The following PRKD1 variants were observed in gnomAD, a reference collection of about 807,000 sequenced individuals.
PRKD1 encodes the protein protein kinase D1.
A neutral mutation model predicts 95.9 loss-of-function variants in PRKD1; 63 were observed. The observed-to-expected ratio is 0.66, with a 90% CI of 0.54 to 0.81. The LOEUF (loss-of-function observed/expected upper bound fraction) is 0.81, where lower values mean the gene tolerates loss of function less well. PRKD1 is among the 30% of genes least tolerant of loss of function. The pLI, the probability that PRKD1 is intolerant of heterozygous loss-of-function variation, is 0.00. For missense variants in PRKD1, 1,048 were observed against 1,165.3 expected, an observed-to-expected ratio of 0.90 and a Z score of 1.47; for synonymous variants, 425 against 423.1, an observed-to-expected ratio of 1.00 and a Z score of -0.05.
chr14:29,820,705 G>A (rs911409439), intron 1 of PRKD1, among the ~76,000 whole-genome samples: 26 of 152,206 alleles, frequency 1.7e-4, no homozygotes, highest in Non-Finnish European at 7.3e-5. Flanking sequence ...GAATGGCCTT[G>A]TATAACACGC....
chr14:29,831,229 A>C (rs1891399083), intron 1 of PRKD1, among the ~76,000 whole-genome samples: 1 of 152,176 alleles, frequency 6.6e-6, no homozygotes, highest in Non-Finnish European at 1.5e-5. Context: ...GAGAAAACGG[A>C]GGCAAAGCTT....
chr14:29,917,392 A>C (rs1191316277), intron 1 of PRKD1, among the ~76,000 whole-genome samples: 2 of 152,206 alleles, frequency 1.3e-5, no homozygotes, highest in Non-Finnish European at 2.9e-5. Flanking sequence ...AAGTGCTTTG[A>C]TTCTTAAGAA....
chr14:29,680,674 G>T (rs1883490246), intron 2 of PRKD1, among the ~76,000 whole-genome samples: 1 of 152,166 alleles, frequency 6.6e-6, no homozygotes, highest in African/African-American at 2.4e-5. Context: ...GAGGGAATAA[G>T]ACATTTAAGT....
At chr14:29,811,785 A>G (rs1016726837) in intron 1 of PRKD1, 2 of 152,206 alleles carry the variant, frequency 1.3e-5, no homozygotes, top group African/African-American at 4.8e-5. Context: ...ACCAGACTTC[A>G]CTTATAAAAC....
intron 1 of PRKD1, among the ~76,000 whole-genome samples, chr14:29,810,202 T>C (rs1890422385): frequency 6.6e-6 from 1 of 152,118 alleles, no homozygotes; most frequent in Non-Finnish European, 1.5e-5. Context: ...GTTTGAAAAA[T>C]GGTGATAATT....
chr14:29,919,826 C>T (rs574598065), intron 1 of PRKD1, among the ~76,000 whole-genome samples: 1 of 151,952 alleles, frequency 6.6e-6, no homozygotes, highest in South Asian at 2.1e-4. Context: ...ATCATCCAGG[C>T]GTGGTGGCAC....
At chr14:29,784,593 G>T (rs1239789189) in intron 1 of PRKD1, among the ~76,000 whole-genome samples, 2 of 151,974 alleles carry the variant, frequency 1.3e-5, no homozygotes, top group African/African-American at 4.8e-5. Flanking sequence ...AATTTTCATT[G>T]TAAAGGGCTT....
intron 4 of PRKD1, among the ~76,000 whole-genome samples, chr14:29,655,934 T>C (rs898183913): frequency 1.3e-5 from 2 of 149,082 alleles, no homozygotes; most frequent in African/African-American, 4.9e-5. Context: ...AATATATATA[T>C]ATATTAAAAA....
chr14:29,771,636 T>C (rs189939144), intron 1 of PRKD1, among the ~76,000 whole-genome samples: 74 of 152,202 alleles, frequency 4.9e-4, no homozygotes, highest in Non-Finnish European at 7.8e-4. Context: ...AGTGAAGCCA[T>C]GGGAGTACAG....
At chr14:29,801,589 A>C (rs1890031530) in intron 1 of PRKD1, among the ~76,000 whole-genome samples, 1 of 152,226 alleles carries the variant, frequency 6.6e-6, no homozygotes, top group Admixed American at 6.5e-5. Context: ...AAAACAAAAA[A>C]CAAGTGGGGA....
intron 1 of PRKD1, among the ~76,000 whole-genome samples, chr14:29,880,463 A>G (rs1893463679): frequency 6.6e-6 from 1 of 152,158 alleles, no homozygotes; most frequent in Non-Finnish European, 1.5e-5. Flanking sequence ...TTCCCAGGCA[A>G]AAGTTTGCTG....
intron 1 of PRKD1, among the ~76,000 whole-genome samples, chr14:29,881,144 C>T (rs2139395453): frequency 6.6e-6 from 1 of 152,166 alleles, no homozygotes; most frequent in Non-Finnish European, 1.5e-5. Flanking sequence ...TGGCTGTTTC[C>T]CCACCAAAAT....
At chr14:29,837,108 G>T in intron 1 of PRKD1, among the ~76,000 whole-genome samples, 1 of 152,112 alleles carries the variant, frequency 6.6e-6, no homozygotes, top group African/African-American at 2.4e-5. Flanking sequence ...ACTGTAAAAG[G>T]GGTCATGCAC....
chr14:29,583,415 G>T (rs1892812566), intron 16 of PRKD1, among the ~76,000 whole-genome samples: 1 of 152,024 alleles, frequency 6.6e-6, no homozygotes, highest in Admixed American at 6.6e-5. Context: ...ACACCACTTT[G>T]TTCCTGAAGG....
At chr14:29,699,423 G>A (rs760841807) in intron 2 of PRKD1, among the ~76,000 whole-genome samples, 14 of 151,842 alleles carry the variant, frequency 9.2e-5, no homozygotes, top group African/African-American at 1.5e-4. Flanking sequence ...TTTCAATTGC[G>A]TATTCATCTT....
intron 1 of PRKD1, among the ~76,000 whole-genome samples, chr14:29,802,084 G>A (rs1566609331): frequency 1.3e-5 from 2 of 152,040 alleles, no homozygotes; most frequent in South Asian, 4.1e-4. Flanking sequence ...AGGAAGAAAG[G>A]AGCGAAGGAA....
intron 16 of PRKD1, among the ~76,000 whole-genome samples, chr14:29,595,147 G>C (rs1387458380): frequency 6.6e-6 from 1 of 152,168 alleles, no homozygotes; most frequent in Non-Finnish European, 1.5e-5. Flanking sequence ...CTTCATCTGA[G>C]TGGTAGGAAA....
intron 1 of PRKD1, among the ~76,000 whole-genome samples, chr14:29,789,387 T>C (rs1286223830): frequency 6.6e-6 from 1 of 152,202 alleles, no homozygotes; most frequent in Non-Finnish European, 1.5e-5. Context: ...TATGGATGGC[T>C]TTTTGGGGGA....
chr14:29,678,353 A>G (rs1883348667), intron 2 of PRKD1, among the ~76,000 whole-genome samples: 1 of 152,214 alleles, frequency 6.6e-6, no homozygotes, highest in Non-Finnish European at 1.5e-5. Flanking sequence ...GCTCATAAAC[A>G]TTAGCCATTC....
Sources: gnomAD v4.1 joint callset for allele counts (sites outside exome capture counted in the v4.1 genomes callset) on GRCh38, gnomAD v4.1.1 for gene constraint, MANE v1.5 for transcripts, NCBI Gene and HGNC (gene_info 2026-07-23, HGNC 2026-07-21) for gene names.